Variants in SLC2A13 observed in about 807,000 individuals in gnomAD.
The protein encoded by SLC2A13 is solute carrier family 2 member 13.
A neutral mutation model predicts 64.4 loss-of-function variants in SLC2A13; 32 were observed. The observed-to-expected ratio is 0.50, with a 90% CI of 0.37 to 0.67. The LOEUF is 0.67. Among genes scored for constraint, SLC2A13 ranks in the 30% least tolerant of loss-of-function variants. The probability of loss-of-function intolerance (pLI) is 0.00; values close to 1 mark genes in which losing one functional copy is unlikely to be tolerated. For missense variants in SLC2A13, 743 were observed against 829.2 expected, an observed-to-expected ratio of 0.90 and a Z score of 1.28; for synonymous variants, 338 against 327.1, an observed-to-expected ratio of 1.03 and a Z score of -0.36.
chr12:39,827,534 T>C (rs1339131714), intron 7 of SLC2A13, among the ~76,000 whole-genome samples: 3 of 152,156 alleles, frequency 2.0e-5, no homozygotes, highest in Non-Finnish European at 4.4e-5. Flanking sequence ...TTACACTCTT[T>C]TGTGACGCTT....
chr12:39,777,127 T>G (rs1428971291), intron 7 of SLC2A13, among the ~76,000 whole-genome samples: 1 of 152,228 alleles, frequency 6.6e-6, no homozygotes, highest in Non-Finnish European at 1.5e-5. Flanking sequence ...AAAAACAAAC[T>G]TAGTTTTTCA....
chr12:39,828,521 T>C (rs1246355035), intron 7 of SLC2A13, among the ~76,000 whole-genome samples: 1 of 152,116 alleles, frequency 6.6e-6, no homozygotes, highest in Non-Finnish European at 1.5e-5. Flanking sequence ...CCAAAACTCC[T>C]GCTTTGAGGC....
intron 4 of SLC2A13, among the ~76,000 whole-genome samples, chr12:39,896,497 T>C (rs895150130): frequency 1.4e-5 from 2 of 148,100 alleles, no homozygotes; most frequent in Non-Finnish European, 3.0e-5. Context: ...TATGTACACA[T>C]ATATGTATGT....
rs74086943 is a variant in SLC2A13, at chr12:39,905,232, G to A, written c.1035-33271C>T. ...AAAGAAAAGTGATGAGCATTTTGGT[G>A]GCTAGAAAATCTACCTAGAACACAC... On this transcript the variant is annotated intron_variant, in intron 4 of 9. Transcript: ENST00000280871. Among the ~76,000 whole-genome samples the A allele has an allele frequency of 6.3e-3, 953 of 152,162 alleles. 7 individuals are homozygous for A. Among genetic ancestry groups the A allele is most frequent in the African/African-American group, 0.022 (918 of 41,518 alleles).
intron 3 of SLC2A13, among the ~76,000 whole-genome samples, chr12:40,024,808 T>A (rs1947777349): frequency 6.6e-6 from 1 of 152,114 alleles, no homozygotes; most frequent in African/African-American, 2.4e-5. Flanking sequence ...TTCAAAATCC[T>A]AAAAAAACAG....
intron 7 of SLC2A13, among the ~76,000 whole-genome samples, chr12:39,805,265 C>T (rs532845630): frequency 6.6e-6 from 1 of 152,264 alleles, no homozygotes; most frequent in East Asian, 1.9e-4. Flanking sequence ...GTGGTGTGAT[C>T]TGGCCTCATT....
intron 1 of SLC2A13, among the ~76,000 whole-genome samples, chr12:40,095,114 C>T (rs1426865977): frequency 6.6e-6 from 1 of 152,144 alleles, no homozygotes; most frequent in Admixed American, 6.5e-5. Flanking sequence ...CTAATTCATG[C>T]AATGAGTTAA....
At chr12:39,998,837 T>C (rs912690243) in intron 3 of SLC2A13, among the ~76,000 whole-genome samples, 1 of 152,152 alleles carries the variant, frequency 6.6e-6, no homozygotes, top group East Asian at 1.9e-4. Context: ...GGCAGAATGA[T>C]ATGGCTTGGC....
intron 7 of SLC2A13, among the ~76,000 whole-genome samples, chr12:39,778,503 C>T (rs1940858153): frequency 6.6e-6 from 1 of 152,066 alleles, no homozygotes; most frequent in Non-Finnish European, 1.5e-5. Flanking sequence ...CCACTCATAA[C>T]CCGGTTCCAA....
chr12:39,832,398 G>A lies in SLC2A13; in HGVS notation c.1320-2170C>T, dbSNP rs188669304. Among the ~76,000 whole-genome samples the A allele has an allele frequency of 1.8e-4, 27 of 152,090 alleles. No homozygotes were observed. In the East Asian group the frequency reaches 3.3e-3, roughly 19 times the overall value. On this transcript the variant is annotated intron_variant, in intron 6 of 9. Coordinates refer to ENST00000280871, the MANE Select transcript of SLC2A13 (RefSeq NM_052885.4). ...AAATTATTCTCAATTTTATTTCTCCGAAAATATGTAGTCCCTAGAAAAGTT... is the reference window on the plus strand; with the variant it reads ...AAATTATTCTCAATTTTATTTCTCCAAAAATATGTAGTCCCTAGAAAAGTT...
chr12:40,102,026 T>TACTC (rs1286407284), intron 1 of SLC2A13, among the ~76,000 whole-genome samples: 1 of 152,212 alleles, frequency 6.6e-6, no homozygotes, highest in Non-Finnish European at 1.5e-5. Flanking sequence ...GCTGAACACC[T>TACTC]ACTCACTCTT....
chr12:40,096,262 T>C (rs2136302582), intron 1 of SLC2A13, among the ~76,000 whole-genome samples: 1 of 152,184 alleles, frequency 6.6e-6, no homozygotes, highest in Admixed American at 6.5e-5. Flanking sequence ...ATTTAGTAAG[T>C]ATCGTGTTCT....
rs192244552 is a variant in SLC2A13 at position 39,860,423 on chromosome 12, T to C, written c.1319+4339A>G. Reference sequence around the variant, plus strand: ...GCTAGAGTCTTGATAAAGATCTTAGTTGTGAACAAGATGTTGCCCATGTCT... The same window carrying C: ...GCTAGAGTCTTGATAAAGATCTTAGCTGTGAACAAGATGTTGCCCATGTCT... On this transcript the variant is annotated intron_variant, in intron 6 of 9. Coordinates refer to ENST00000280871, the MANE Select transcript of SLC2A13 (RefSeq NM_052885.4). Among the ~76,000 whole-genome samples the C allele has an allele frequency of 6.8e-4, 104 of 152,334 alleles. 1 individual carries two copies. The highest frequency in any genetic ancestry group is 2.4e-3 in the African/African-American group (101 of 41,584).
At chr12:40,090,056 T>C (rs1938712188) in intron 1 of SLC2A13, among the ~76,000 whole-genome samples, 1 of 152,216 alleles carries the variant, frequency 6.6e-6, no homozygotes, top group Non-Finnish European at 1.5e-5. Context: ...TTATTTTGTT[T>C]ATTAACACAA....
chr12:39,789,259 A>C lies in SLC2A13; in HGVS notation c.1446-24401T>G, dbSNP rs184539676. On this transcript the variant is annotated intron_variant, in intron 7 of 9. Coordinates refer to ENST00000280871, the MANE Select transcript of SLC2A13 (RefSeq NM_052885.4). Reference sequence around the variant, plus strand: ...TATTTTCTACGCATGTACTCCTAAAAATACATATCACTTGGTTGTGCCTGT... The same window carrying C: ...TATTTTCTACGCATGTACTCCTAAACATACATATCACTTGGTTGTGCCTGT... 7.1e-3 allele frequency among the ~76,000 whole-genome samples: 1,085 copies of C among 151,954 alleles called. 18 individuals carry two copies. The highest frequency in any genetic ancestry group is 0.025 in the African/African-American group (1,020 of 41,534).
intron 3 of SLC2A13, among the ~76,000 whole-genome samples, chr12:39,988,064 G>A (rs539279549): frequency 6.6e-6 from 1 of 151,922 alleles, no homozygotes; most frequent in Non-Finnish European, 1.5e-5. Context: ...AGTTTTTCGC[G>A]ACTACAAACA....
chr12:39,777,178 T>G (rs1940806964), intron 7 of SLC2A13, among the ~76,000 whole-genome samples: 1 of 152,204 alleles, frequency 6.6e-6, no homozygotes, highest in African/African-American at 2.4e-5. Context: ...CCCGCTTCCT[T>G]TTATTTCTTG....
chr12:40,007,473 T>C (rs1220858246), intron 3 of SLC2A13, among the ~76,000 whole-genome samples: 1 of 149,472 alleles, frequency 6.7e-6, no homozygotes, highest in Non-Finnish European at 1.5e-5. Flanking sequence ...TTATTTACAA[T>C]TGCTGCTGAA....
At chr12:39,991,630 C>T (rs1947140141) in intron 3 of SLC2A13, among the ~76,000 whole-genome samples, 1 of 152,120 alleles carries the variant, frequency 6.6e-6, no homozygotes, top group Admixed American at 6.6e-5. Flanking sequence ...ACTTACCAGC[C>T]CCTTTGTCCT....
Sources: allele counts gnomAD v4.1 joint callset (sites outside exome capture counted in the v4.1 genomes callset), GRCh38; gene constraint gnomAD v4.1.1; transcripts MANE v1.5; gene names NCBI Gene and HGNC (gene_info 2026-07-23, HGNC 2026-07-21).